The following MAGI2 variants were observed in gnomAD, a reference collection of about 807,000 sequenced individuals.
The protein encoded by MAGI2 is membrane associated guanylate kinase, WW and PDZ domain containing 2.
In MAGI2, 35 loss-of-function variants were observed where a neutral mutation model predicts 133.3. That is an observed-to-expected ratio of 0.26 (90% CI 0.20 to 0.35). The LOEUF (loss-of-function observed/expected upper bound fraction) is 0.35, where lower values mean the gene tolerates loss of function less well. Among genes scored for constraint, MAGI2 ranks in the 10% least tolerant of loss-of-function variants. The pLI is 1.00. For synonymous variants in MAGI2, 729 were observed against 710.6 expected, an observed-to-expected ratio of 1.03 and a Z score of -0.41; for missense variants, 1,636 against 1,863.4, an observed-to-expected ratio of 0.88 and a Z score of 2.25.
At chr7:78,638,391 C>T (rs1168946328) in intron 2 of MAGI2, among the ~76,000 whole-genome samples, 1 of 152,212 alleles carries the variant, frequency 6.6e-6, no homozygotes, top group African/African-American at 2.4e-5. Flanking sequence ...TAAATCTTAT[C>T]CATTCCTTCA....
chr7:78,664,941 A>C (rs1181707317), intron 2 of MAGI2, among the ~76,000 whole-genome samples: 1 of 152,082 alleles, frequency 6.6e-6, no homozygotes, highest in African/African-American at 2.4e-5. Context: ...TCTATGTATA[A>C]ATTTCATACG....
intron 1 of MAGI2, among the ~76,000 whole-genome samples, chr7:79,408,898 G>A (rs1282371317): frequency 6.6e-6 from 1 of 152,102 alleles, no homozygotes; most frequent in Non-Finnish European, 1.5e-5. Context: ...TCAATGCCTT[G>A]AACATTATCC....
At chr7:78,074,062 TATC>T (rs1241623475) in intron 21 of MAGI2, among the ~76,000 whole-genome samples, 2 of 152,292 alleles carry the variant, frequency 1.3e-5, no homozygotes, top group East Asian at 3.9e-4. Flanking sequence ...TCAAAGCCCT[TATC>T]ATTTTCCGAC....
chr7:78,550,024 A>G (rs1200255611), intron 3 of MAGI2, among the ~76,000 whole-genome samples: 2 of 152,132 alleles, frequency 1.3e-5, no homozygotes, highest in Admixed American at 6.5e-5. Flanking sequence ...GCCTTTACAA[A>G]AGAGGCCCAA....
intron 1 of MAGI2, among the ~76,000 whole-genome samples, chr7:79,146,204 G>A (rs551994830): frequency 6.6e-6 from 1 of 152,320 alleles, no homozygotes; most frequent in African/African-American, 2.4e-5. Context: ...CAGTTGTGAT[G>A]TGGAAGAGGG....
chr7:79,266,631 G>C (rs1334453714), intron 1 of MAGI2, among the ~76,000 whole-genome samples: 1 of 152,122 alleles, frequency 6.6e-6, no homozygotes, highest in Non-Finnish European at 1.5e-5. Context: ...TCCATCATTA[G>C]AGAAGCCAGC....
intron 2 of MAGI2, among the ~76,000 whole-genome samples, chr7:78,713,668 C>T (rs1179692848): frequency 6.6e-6 from 1 of 152,136 alleles, no homozygotes; most frequent in Non-Finnish European, 1.5e-5. Flanking sequence ...TAGCTCTTTT[C>T]AGAGCTGTCA....
chr7:78,642,019 T>G (rs1359281739), intron 2 of MAGI2, among the ~76,000 whole-genome samples: 3 of 152,164 alleles, frequency 2.0e-5, no homozygotes, highest in African/African-American at 7.2e-5. Context: ...TATAATTATA[T>G]AAGCAAATCT....
intron 21 of MAGI2, among the ~76,000 whole-genome samples, chr7:78,047,812 A>G (rs781017027): frequency 6.6e-6 from 1 of 151,324 alleles, no homozygotes; most frequent in African/African-American, 2.4e-5. Flanking sequence ...TTCCAGTCAC[A>G]CTCCTTTCCA....
intron 1 of MAGI2, among the ~76,000 whole-genome samples, chr7:79,077,653 T>C (rs1815654504): frequency 7.1e-6 from 1 of 141,124 alleles, no homozygotes; most frequent in Non-Finnish European, 1.5e-5. Context: ...TTATTTATAA[T>C]AAAAATGGAA....
chr7:79,218,977 T>C (rs1265623232), intron 1 of MAGI2, among the ~76,000 whole-genome samples: 1 of 152,090 alleles, frequency 6.6e-6, no homozygotes, highest in Non-Finnish European at 1.5e-5. Flanking sequence ...GAGGTCTCTG[T>C]CTACAGAGAA....
intron 1 of MAGI2, among the ~76,000 whole-genome samples, chr7:79,370,242 T>C (rs563148786): frequency 2.0e-5 from 3 of 152,130 alleles, no homozygotes; most frequent in Non-Finnish European, 2.9e-5. Context: ...TTATTAAATA[T>C]TTTTACCACT....
chr7:78,622,358 T>C (rs945889058), intron 3 of MAGI2, among the ~76,000 whole-genome samples: 1 of 152,010 alleles, frequency 6.6e-6, no homozygotes, highest in Non-Finnish European at 1.5e-5. Flanking sequence ...CTCTAAACAA[T>C]ACTGCGAAGG....
intron 20 of MAGI2, among the ~76,000 whole-genome samples, chr7:78,093,016 G>T (rs1401439590): frequency 1.3e-5 from 2 of 151,250 alleles, no homozygotes; most frequent in Non-Finnish European, 2.9e-5. Flanking sequence ...GGTGCCTGTA[G>T]TCCCAGCTAC....
At chr7:78,045,046 A>G (rs1296120345) in intron 21 of MAGI2, among the ~76,000 whole-genome samples, 1 of 152,202 alleles carries the variant, frequency 6.6e-6, no homozygotes, top group East Asian at 1.9e-4. Context: ...ACATGCCTGT[A>G]GTCCCAGCTA....
chr7:78,302,437 A>G (rs555238222), intron 9 of MAGI2, among the ~76,000 whole-genome samples: 10 of 152,316 alleles, frequency 6.6e-5, no homozygotes, highest in African/African-American at 2.4e-4. Context: ...TGGGCAGGTG[A>G]CCTAAAACAT....
chr7:78,762,309 G>A (rs975082315), intron 2 of MAGI2, among the ~76,000 whole-genome samples: 1 of 151,964 alleles, frequency 6.6e-6, no homozygotes, highest in East Asian at 1.9e-4. Context: ...CGGGCGTGGT[G>A]GTGCACACCT....
intron 1 of MAGI2, among the ~76,000 whole-genome samples, chr7:79,028,334 T>TACACAC (rs748928173): frequency 0.22 from 6,864 of 31,812 alleles, 394 homozygotes; most frequent in Non-Finnish European, 0.32. Context: ...TATACATATA[T>TACACAC]ATACACACAC....
At chr7:79,391,833 G>A (rs914025492) in intron 1 of MAGI2, among the ~76,000 whole-genome samples, 9 of 151,608 alleles carry the variant, frequency 5.9e-5, no homozygotes, top group African/African-American at 1.2e-4. Context: ...ACAGGCGCAC[G>A]CCACCACACC....
Sources: gnomAD v4.1 joint callset for allele counts (sites outside exome capture counted in the v4.1 genomes callset) on GRCh38, gnomAD v4.1.1 for gene constraint, MANE v1.5 for transcripts, NCBI Gene and HGNC (gene_info 2026-07-23, HGNC 2026-07-21) for gene names.